CCDC192: variants seen among roughly 807,000 people sequenced by gnomAD.
The protein encoded by CCDC192 is coiled-coil domain containing 192.
intron 5 of CCDC192, among the ~76,000 whole-genome samples, chr5:127,827,798 G>A (rs1045293302): frequency 2.0e-5 from 3 of 152,060 alleles, no homozygotes; most frequent in East Asian, 1.9e-4. Context: ...CAACTCCTCC[G>A]GCGCAGTCTC....
intron 5 of CCDC192, among the ~76,000 whole-genome samples, chr5:127,852,269 C>T (rs931520964): frequency 6.6e-6 from 1 of 152,172 alleles, no homozygotes; most frequent in African/African-American, 2.4e-5. Context: ...TGAATTTACT[C>T]ACATTTTCAC....
intron 3 of CCDC192, among the ~76,000 whole-genome samples, chr5:127,780,965 A>G (rs1035766827): frequency 7.2e-5 from 11 of 152,142 alleles, no homozygotes; most frequent in African/African-American, 2.4e-4. Context: ...AGGAAAGCAC[A>G]TAAGATTTAA....
chr5:127,741,352 C>T (rs1189591574), intron 2 of CCDC192, among the ~76,000 whole-genome samples: 1 of 152,172 alleles, frequency 6.6e-6, no homozygotes, highest in Non-Finnish European at 1.5e-5. Flanking sequence ...TGTGAGCCAG[C>T]ACACCCAGCC....
At chr5:127,858,240 G>A (rs1433549851) in intron 5 of CCDC192, among the ~76,000 whole-genome samples, 2 of 152,092 alleles carry the variant, frequency 1.3e-5, no homozygotes, top group Non-Finnish European at 2.9e-5. Context: ...CACACACCAG[G>A]CTTCTGTCTG....
chr5:127,816,663 G>C (rs945871796), intron 5 of CCDC192, among the ~76,000 whole-genome samples: 1 of 152,204 alleles, frequency 6.6e-6, no homozygotes, highest in East Asian at 1.9e-4. Flanking sequence ...TAAACAGGGT[G>C]TTTCTGCTGT....
intron 6 of CCDC192, among the ~76,000 whole-genome samples, chr5:127,887,431 A>G (rs1011267977): frequency 1.3e-5 from 2 of 152,018 alleles, no homozygotes; most frequent in African/African-American, 4.8e-5. Flanking sequence ...CTTCAGGGAA[A>G]TGTGTCATCC....
chr5:127,784,647 A>G (rs759703014), intron 3 of CCDC192: 2 of 725,572 alleles, frequency 2.8e-6, no homozygotes, highest in Non-Finnish European at 4.7e-6. Context: ...GCTTTTCACC[A>G]TCAACTTGCT....
intron 6 of CCDC192, among the ~76,000 whole-genome samples, chr5:127,938,506 C>T (rs968484244): frequency 2.0e-5 from 3 of 152,104 alleles, no homozygotes; most frequent in African/African-American, 7.2e-5. Flanking sequence ...GAAATGCTAG[C>T]CCAGCATTAT....
At chr5:127,834,298 G>A (rs749023014) in intron 5 of CCDC192, among the ~76,000 whole-genome samples, 33 of 152,058 alleles carry the variant, frequency 2.2e-4, no homozygotes, top group Non-Finnish European at 4.4e-4. Flanking sequence ...CTCATCACTT[G>A]TCTAAAAAAT....
At chr5:127,769,505 G>A (rs1030519860) in intron 3 of CCDC192, among the ~76,000 whole-genome samples, 1 of 152,030 alleles carries the variant, frequency 6.6e-6, no homozygotes, top group Non-Finnish European at 1.5e-5. Flanking sequence ...CATTTAAACT[G>A]TGGTACCTAA....
In CCDC192 at chr5:127,841,634, A is replaced by T. The variant is rs138823422; in HGVS notation, c.412-33904A>T. Among the ~76,000 whole-genome samples, 8 of 152,244 alleles carry T rather than the reference A, an allele frequency of 5.3e-5. No homozygotes were observed. The East Asian group carries it at 1.5e-3, about 29-fold the overall frequency. Reference sequence around the variant, plus strand: ...CAAGAAAGGCATGTTGAGGTCCTGGAGTGGGGAGGCCCTGTGGTCCATGCT... The same window carrying T: ...CAAGAAAGGCATGTTGAGGTCCTGGTGTGGGGAGGCCCTGTGGTCCATGCT... On this transcript the variant is annotated intron_variant, in intron 5 of 6. Transcript: ENST00000514853.
chr5:127,785,511 C>T (rs933478487), intron 3 of CCDC192: 13 of 186,526 alleles, frequency 7.0e-5, no homozygotes, highest in Non-Finnish European at 6.8e-5. Context: ...CACTGCCTTC[C>T]CTTAGAGTTG....
At chr5:127,921,567 C>T (rs1753721783) in intron 6 of CCDC192, among the ~76,000 whole-genome samples, 1 of 152,196 alleles carries the variant, frequency 6.6e-6, no homozygotes. Context: ...AATAAATGCT[C>T]AGAAGTCCAA....
intron 3 of CCDC192, among the ~76,000 whole-genome samples, chr5:127,782,645 G>A (rs368458319): frequency 4.1e-4 from 62 of 151,728 alleles, no homozygotes; most frequent in African/African-American, 1.4e-3. Context: ...GTATTTCTGC[G>A]GTGTCAGCTG....
intron 5 of CCDC192, among the ~76,000 whole-genome samples, chr5:127,824,617 A>G (rs777606142): frequency 6.6e-6 from 1 of 152,176 alleles, no homozygotes; most frequent in African/African-American, 2.4e-5. Context: ...AGCTGGGAAG[A>G]TTTTGGATAT....
intron 1 of CCDC192, among the ~76,000 whole-genome samples, chr5:127,707,366 C>T (rs1052380179): frequency 1.3e-5 from 2 of 150,512 alleles, no homozygotes; most frequent in African/African-American, 2.4e-5. Flanking sequence ...GAATTCTCCA[C>T]GTCTGCTGAT....
intron 6 of CCDC192, among the ~76,000 whole-genome samples, chr5:127,898,225 A>T (rs10058856): frequency 3.3e-5 from 5 of 151,618 alleles, no homozygotes; most frequent in African/African-American, 1.2e-4. Context: ...TCTCCTGCCT[A>T]GGCCCCTCGA....
At chr5:127,788,774 A>G (rs1219570017) in intron 3 of CCDC192, among the ~76,000 whole-genome samples, 1 of 152,072 alleles carries the variant, frequency 6.6e-6, no homozygotes, top group Admixed American at 6.5e-5. Context: ...TCTGCTGTTC[A>G]GACTGGGTAA....
chr5:127,898,004 G>C (rs1752940529), intron 6 of CCDC192, among the ~76,000 whole-genome samples: 1 of 152,088 alleles, frequency 6.6e-6, no homozygotes, highest in African/African-American at 2.4e-5. Context: ...GATTAACATA[G>C]GAACTTAAGA....
Sources: allele counts gnomAD v4.1 joint callset (sites outside exome capture counted in the v4.1 genomes callset), GRCh38; gene constraint gnomAD v4.1.1; transcripts MANE v1.5; gene names NCBI Gene and HGNC (gene_info 2026-07-23, HGNC 2026-07-21).